Variants in KCTD7 observed in about 807,000 individuals in gnomAD.
KCTD7 encodes potassium channel tetramerization domain containing 7.
KCTD7 carries 15 observed loss-of-function variants against 27.0 expected under a neutral mutation model. The ratio of observed to expected loss-of-function variants is 0.56; its 90% confidence interval spans 0.37 to 0.86. The LOEUF is 0.86. Ranked by LOEUF, KCTD7 falls within the 40% of genes least tolerant of loss-of-function variation. KCTD7 has a pLI of 0.00. For synonymous variants in KCTD7, 159 were observed against 162.7 expected (o/e 0.98, Z 0.17); for missense variants, 299 against 398.9 (o/e 0.75, Z 2.13).
rs117267079 is a variant in KCTD7 at position 66,641,158 on chromosome 7, G to A, written c.*1926G>A. 2.8e-4 allele frequency: 275 copies of A among 985,356 alleles called. 4 individuals carry two copies. In the East Asian group the frequency reaches 0.027, roughly 97 times the overall value. 61.0% of individuals were successfully genotyped at this position (985,356 alleles called of 1,614,324 possible). ...GATATGCGCTCTCTCTATTGTTCTC[G>A]TACACAAAGGGATAGTCTCTTTTCT... On this transcript the variant is annotated 3_prime_UTR_variant, in exon 4 of 4. Transcript: ENST00000639828.
Position 66,639,952 on chromosome 7 carries a change from T to G in KCTD7, c.*720T>G. 1.6e-6 allele frequency: 2 copies of G among 1,248,930 alleles called. No homozygotes were observed. The highest frequency in any genetic ancestry group is 2.0e-6 in the Non-Finnish European group (2 of 998,844). 77.4% of individuals were successfully genotyped at this position (1,248,930 alleles called of 1,614,324 possible). A position where few individuals can be genotyped will look rare whatever the true frequency, so the allele number is the denominator to read the frequency against. ...TTCTCTTATCTTCCACCACCTTCCT[T>G]GCTTGCAGGGTTATCTTCTCACAGG... On this transcript the variant is annotated 3_prime_UTR_variant, in exon 4 of 4. Transcript: ENST00000639828.
intron 1 of KCTD7, among the ~76,000 whole-genome samples, chr7:66,630,719 A>AT (rs1215931973): frequency 6.6e-6 from 1 of 152,194 alleles, no homozygotes; most frequent in African/African-American, 2.4e-5. Flanking sequence ...CAGTGGTGCT[A>AT]TTTTTTTGTG....
rs1412367543 is a variant in KCTD7 at position 66,642,794 on chromosome 7, G to A, written c.*3562G>A. On this transcript the variant is annotated 3_prime_UTR_variant, in exon 4 of 4. Transcript: ENST00000639828. ...TTGGAATTCTGAAAGAATCATATCT[G>A]TGTATATACATACTGAGTGGGGAAG... 36 of 985,208 alleles carry A rather than the reference G, an allele frequency of 3.7e-5. No individual in the cohort carries two copies. Among genetic ancestry groups the A allele is most frequent in the Admixed American group, 6.2e-5 (1 of 16,228 alleles). The allele number at this position is 985,208 out of a possible 1,614,324, so 61.0% of individuals were successfully genotyped here. A position where few individuals can be genotyped will look rare whatever the true frequency, so the allele number is the denominator to read the frequency against.
At position 66,643,023 on chromosome 7, in the gene KCTD7, A is replaced by C; in HGVS notation, c.*3791A>C. 1 of 985,402 alleles carries C rather than the reference A, an allele frequency of 1.0e-6. No homozygotes were observed. The highest frequency in any genetic ancestry group is 1.2e-6 in the Non-Finnish European group (1 of 829,926). 61.0% of individuals were successfully genotyped at this position (985,402 alleles called of 1,614,324 possible). On this transcript the variant is annotated 3_prime_UTR_variant, in exon 4 of 4. Coordinates refer to ENST00000639828, the MANE Select transcript of KCTD7 (RefSeq NM_153033.5). ...GTGTATTGAGCCTCAGTACACTCCAAGGGCATTAAAGTCAAGAACTAGAAC... is the reference window on the plus strand; with the variant it reads ...GTGTATTGAGCCTCAGTACACTCCACGGGCATTAAAGTCAAGAACTAGAAC...
At chr7:66,632,488 CAAAA>C (rs79868578) in intron 1 of KCTD7, among the ~76,000 whole-genome samples, 1 of 52,596 alleles carries the variant, frequency 1.9e-5, no homozygotes, top group African/African-American at 7.4e-5. Flanking sequence ...GACTCCGTCT[CAAAA>C]AAAAAAAAAA....
At position 66,641,107 on chromosome 7, in the gene KCTD7, G is replaced by C; in HGVS notation, c.*1875G>C. ...AAGAGGTGGATACTGAGATCTAAGA[G>C]GAAAGGATAGTCATTCACGTTCTGA... On this transcript the variant is annotated 3_prime_UTR_variant, in exon 4 of 4. Transcript: ENST00000639828. 1.0e-6 allele frequency: 1 copy of C among 985,396 alleles called. No individual in the cohort carries two copies. The highest frequency in any genetic ancestry group is 1.2e-6 in the Non-Finnish European group (1 of 829,938). The allele number at this position is 985,396 out of a possible 1,614,324, so 61.0% of individuals were successfully genotyped here.
Position 66,642,766 on chromosome 7 carries a change from T to A in KCTD7, c.*3534T>A, listed in dbSNP as rs1045531579. 7.1e-6 allele frequency: 7 copies of A among 985,300 alleles called. No individual in the cohort carries two copies. The African/African-American group carries it at 1.0e-4, about 15-fold the overall frequency. 61.0% of individuals were successfully genotyped at this position (985,300 alleles called of 1,614,324 possible). On this transcript the variant is annotated 3_prime_UTR_variant, in exon 4 of 4. Transcript: ENST00000639828. The stretch of plus-strand genomic sequence containing the variant: ...TTGGGAACTGGGGTGGGAGAGGCAC[T>A]TTTTGGAATTCTGAAAGAATCATAT...
Position 66,641,210 on chromosome 7 carries a change from A to T in KCTD7, c.*1978A>T, listed in dbSNP as rs537471141. The T allele has an allele frequency of 1.3e-3, 1,243 of 985,390 alleles. 1 individual carries two copies. Among genetic ancestry groups the T allele is most frequent in the Non-Finnish European group, 1.4e-3 (1,189 of 829,944 alleles). The allele number at this position is 985,390 out of a possible 1,614,324, so 61.0% of individuals were successfully genotyped here. Reference sequence around the variant, plus strand: ...GAGCTGATGTCCCTGCTTGGAGGTTAGCCCCAAAACATGGCTCTTGTATTG... The same window carrying T: ...GAGCTGATGTCCCTGCTTGGAGGTTTGCCCCAAAACATGGCTCTTGTATTG... On this transcript the variant is annotated 3_prime_UTR_variant, in exon 4 of 4. Coordinates refer to ENST00000639828, the MANE Select transcript of KCTD7 (RefSeq NM_153033.5).
chr7:66,640,170 C>T lies in KCTD7; in HGVS notation c.*938C>T, dbSNP rs531686001. 10 of 1,399,424 alleles carry T rather than the reference C, an allele frequency of 7.1e-6. No homozygotes were observed. The highest frequency in any genetic ancestry group is 9.2e-6 in the Non-Finnish European group (10 of 1,083,430). 86.7% of individuals were successfully genotyped at this position (1,399,424 alleles called of 1,614,324 possible). On this transcript the variant is annotated 3_prime_UTR_variant, in exon 4 of 4. Transcript: ENST00000639828. ...GGAAGGGGACCCCCTCTCTTTAAACCCTGTTCCTCTGTCCTGGTAACATTC... is the reference window on the plus strand; with the variant it reads ...GGAAGGGGACCCCCTCTCTTTAAACTCTGTTCCTCTGTCCTGGTAACATTC...
At chr7:66,631,275 G>A (rs1384328879) in intron 1 of KCTD7, among the ~76,000 whole-genome samples, 1 of 151,532 alleles carries the variant, frequency 6.6e-6, no homozygotes, top group Non-Finnish European at 1.5e-5. Context: ...TTTCACTGGA[G>A]CAGGAGAGAT....
In KCTD7 at chr7:66,640,246, GAC is replaced by G. The variant is rs1245039734; in HGVS notation, c.*1020_*1021del. On this transcript the variant is annotated 3_prime_UTR_variant, in exon 4 of 4. Coordinates refer to ENST00000639828, the MANE Select transcript of KCTD7 (RefSeq NM_153033.5). ...AGAAGGTAAAGGAAGGGCTGGGTGA[GAC>G]ACACAGCTATCCTAGGAGCCGTAGG... The G allele has an allele frequency of 2.7e-6, 4 of 1,477,602 alleles. No homozygotes were observed. Among genetic ancestry groups the G allele is most frequent in the East Asian group, 4.9e-5 (2 of 40,598 alleles). The allele number at this position is 1,477,602 out of a possible 1,614,324, so 91.5% of individuals were successfully genotyped here.
At chr7:66,630,803 A>G (rs772313676) in intron 1 of KCTD7, among the ~76,000 whole-genome samples, 11 of 152,134 alleles carry the variant, frequency 7.2e-5, no homozygotes, top group Non-Finnish European at 1.5e-4. Context: ...GGGCCCCACC[A>G]CCAGTTCCCC....
chr7:66,633,299 A>G lies in KCTD7; in HGVS notation c.169A>G (p.Ile57Val), dbSNP rs1786497147. The G allele has an allele frequency of 6.2e-6, 10 of 1,613,880 alleles. No homozygotes were observed. Among genetic ancestry groups the G allele is most frequent in the Non-Finnish European group, 8.5e-6 (10 of 1,179,842 alleles). ...GTTTCCTGAGGTTGTTCCCCTTAAC[A>G]TCGGAGGGGCTCACTTCACTACACG... ...QEFPEVVPLN[I>V]GGAHFTTRLS... Residue 57 changes from isoleucine (I) to valine (V), a missense_variant, in exon 2 of 4, where the codon ATC becomes GTC. Transcript: ENST00000639828.
rs1334582481 is a variant in KCTD7 at position 66,628,979 on chromosome 7, T to A, written c.-86T>A. On this transcript the variant is annotated 5_prime_UTR_variant, in exon 1 of 4. It removes an upstream start codon present in the reference 5' UTR. Transcript: ENST00000639828. The stretch of plus-strand genomic sequence containing the variant: ...GGCCAGCCCGCAGCCGGCCGCGTCA[T>A]GCCAGGCGCTGCTCGGCGGTAGGGA... 7.3e-7 allele frequency: 1 copy of A among 1,368,764 alleles called. No individual in the cohort carries two copies. Among genetic ancestry groups the A allele is most frequent in the Non-Finnish European group, 9.7e-7 (1 of 1,031,344 alleles). 84.8% of individuals were successfully genotyped at this position (1,368,764 alleles called of 1,614,324 possible).
chr7:66,630,972 T>C (rs547203001), intron 1 of KCTD7, among the ~76,000 whole-genome samples: 1 of 152,328 alleles, frequency 6.6e-6, no homozygotes, highest in African/African-American at 2.4e-5. Flanking sequence ...TTAAGTATTA[T>C]TATTCCAAAA....
chr7:66,634,976 A>G, intron 2 of KCTD7, among the ~76,000 whole-genome samples: 1 of 149,138 alleles, frequency 6.7e-6, no homozygotes, highest in Non-Finnish European at 1.5e-5. Context: ...TGATCCTACC[A>G]CTGTGCTCCA....
chr7:66,629,556 T>C (rs1366529127), intron 1 of KCTD7, among the ~76,000 whole-genome samples: 1 of 151,608 alleles, frequency 6.6e-6, no homozygotes, highest in African/African-American at 2.4e-5. Context: ...GAGCTGATGG[T>C]GTGTCTGACC....
Position 66,639,924 on chromosome 7 carries a change from G to T in KCTD7, c.*692G>T. The T allele has an allele frequency of 8.0e-7, 1 of 1,245,294 alleles. No individual in the cohort carries two copies. Among genetic ancestry groups the T allele is most frequent in the Non-Finnish European group, 1.0e-6 (1 of 996,424 alleles). 77.1% of individuals were successfully genotyped at this position (1,245,294 alleles called of 1,614,324 possible). A position where few individuals can be genotyped will look rare whatever the true frequency, so the allele number is the denominator to read the frequency against. ...GTTTACAGCCCTGTCTTAGGGCCGCGGCTTCTCTTATCTTCCACCACCTTC... is the reference window on the plus strand; with the variant it reads ...GTTTACAGCCCTGTCTTAGGGCCGCTGCTTCTCTTATCTTCCACCACCTTC... On this transcript the variant is annotated 3_prime_UTR_variant, in exon 4 of 4. Transcript: ENST00000639828.
intron 1 of KCTD7, 49 bp from the exon 2 acceptor site, chr7:66,633,226 G>C: frequency 6.3e-7 from 1 of 1,597,870 alleles, no homozygotes; most frequent in Non-Finnish European, 8.6e-7. Flanking sequence ...AGCAGCCCCA[G>C]CTCTCATTCC....
Sources: gnomAD v4.1 joint callset for allele counts (sites outside exome capture counted in the v4.1 genomes callset) on GRCh38, gnomAD v4.1.1 for gene constraint, MANE v1.5 for transcripts, NCBI Gene and HGNC (gene_info 2026-07-23, HGNC 2026-07-21) for gene names.